Variants in DISC1 observed in about 807,000 individuals in gnomAD.
The protein encoded by DISC1 is disrupted in schizophrenia 1 protein.
A neutral mutation model predicts 84.5 loss-of-function variants in DISC1; 57 were observed. That is an observed-to-expected ratio of 0.67 (90% CI 0.55 to 0.84). The LOEUF is 0.84. Among genes scored for constraint, DISC1 ranks in the 40% least tolerant of loss-of-function variants. The pLI is 0.00. For missense variants in DISC1, 1,000 were observed against 1,057.8 expected (o/e 0.95, Z 0.76); for synonymous variants, 411 against 415.2 (o/e 0.99, Z 0.12).
At chr1:231,721,080 C>T in intron 3 of DISC1, 2 of 1,290,724 alleles carry the variant, frequency 1.5e-6, no homozygotes, top group Non-Finnish European at 2.0e-6. Flanking sequence ...CAGGTCTGTC[C>T]TGATGTGAGA....
At chr1:232,015,132 G>T (rs1024238561) in intron 11 of DISC1, among the ~76,000 whole-genome samples, 1 of 152,136 alleles carries the variant, frequency 6.6e-6, no homozygotes, top group Non-Finnish European at 1.5e-5. Context: ...CAGTGAGCTG[G>T]CTCCTGCTTG....
In DISC1 at chr1:232,006,745, T is replaced by A. The variant is rs139469973; in HGVS notation, c.2043-2040T>A. ...GAAATTCAAGCTGGCTGCAGAAATT[T>A]GCATAAGTAACAAGCAACCAAATGT... On this transcript the variant is annotated intron_variant, in intron 10 of 12. Coordinates refer to ENST00000439617, the MANE Select transcript of DISC1 (RefSeq NM_018662.3). Among the ~76,000 whole-genome samples the A allele has an allele frequency of 3.1e-3, 468 of 152,294 alleles. 4 individuals are homozygous for A. Among genetic ancestry groups the A allele is most frequent in the African/African-American group, 0.011 (441 of 41,558 alleles).
intron 9 of DISC1, among the ~76,000 whole-genome samples, chr1:231,879,065 A>G (rs542852140): frequency 4.3e-4 from 65 of 151,488 alleles, no homozygotes; most frequent in African/African-American, 1.6e-3. Flanking sequence ...CTTATCTGAA[A>G]TGCTTGGGAT....
chr1:231,670,691 T>C (rs1386141720), intron 1 of DISC1: 1 of 152,244 alleles, frequency 6.6e-6, no homozygotes, highest in Non-Finnish European at 1.5e-5. Context: ...AAGATTCCCA[T>C]GAAGAGGAAC....
At chr1:231,806,938 A>G (rs2079780748) in intron 8 of DISC1, among the ~76,000 whole-genome samples, 1 of 152,158 alleles carries the variant, frequency 6.6e-6, no homozygotes, top group African/African-American at 2.4e-5. Flanking sequence ...ACCCATCCCC[A>G]TCAGAAACCT....
chr1:231,935,278 A>T (rs548433685), intron 9 of DISC1, among the ~76,000 whole-genome samples: 1 of 152,302 alleles, frequency 6.6e-6, no homozygotes, highest in South Asian at 2.1e-4. Flanking sequence ...ATTTTTTCCA[A>T]CAATCTCATA....
intron 9 of DISC1, among the ~76,000 whole-genome samples, chr1:231,917,404 A>G (rs1477735589): frequency 6.6e-6 from 1 of 152,262 alleles, no homozygotes; most frequent in Non-Finnish European, 1.5e-5. Flanking sequence ...CTTGAATAAT[A>G]TGAAGCGAAG....
At chr1:231,831,606 G>A (rs780346702) in intron 9 of DISC1, among the ~76,000 whole-genome samples, 16 of 152,296 alleles carry the variant, frequency 1.1e-4, no homozygotes, top group Non-Finnish European at 2.4e-4. Flanking sequence ...CCTTTTGATG[G>A]CCTTTGCAGT....
At chr1:231,926,193 A>C (rs199776845) in intron 9 of DISC1, among the ~76,000 whole-genome samples, 5 of 152,206 alleles carry the variant, frequency 3.3e-5, no homozygotes, top group Non-Finnish European at 7.3e-5. Flanking sequence ...GTGAAAAAGT[A>C]AAAGCTCTTC....
chr1:231,774,679 C>G, intron 6 of DISC1: 4 of 456,000 alleles, frequency 8.8e-6, no homozygotes, highest in Non-Finnish European at 1.8e-5. Flanking sequence ...TAACCATCAA[C>G]TAGAGAAACC....
chr1:231,643,351 TA>T (rs1267576309), intron 1 of DISC1, among the ~76,000 whole-genome samples: 1 of 151,408 alleles, frequency 6.6e-6, no homozygotes, highest in South Asian at 2.1e-4. Context: ...CAATAACTAG[TA>T]AAAAAAAATA....
At chr1:231,844,376 GT>G (rs1260935634) in intron 9 of DISC1, among the ~76,000 whole-genome samples, 3 of 152,176 alleles carry the variant, frequency 2.0e-5, no homozygotes, top group African/African-American at 7.2e-5. Context: ...ATAGGACAAG[GT>G]ATGGGGGTGG....
At chr1:232,026,391 G>A in intron 11 of DISC1, 44 bp from the exon 12 acceptor site, 1 of 1,362,368 alleles carries the variant, frequency 7.3e-7, no homozygotes, top group Non-Finnish European at 1.0e-6. Context: ...TTCTGTCTGT[G>A]TCCACGGCAC....
At chr1:231,852,623 G>C (rs2083980084) in intron 9 of DISC1, among the ~76,000 whole-genome samples, 1 of 152,230 alleles carries the variant, frequency 6.6e-6, no homozygotes, top group African/African-American at 2.4e-5. Context: ...TTAATTCTCT[G>C]ATTCCTCAGG....
chr1:231,879,665 G>A (rs1457663054), intron 9 of DISC1, among the ~76,000 whole-genome samples: 8 of 151,714 alleles, frequency 5.3e-5, no homozygotes, highest in Non-Finnish European at 1.2e-4. Context: ...CTCAGGGAAT[G>A]TTTTGGGTGG....
At chr1:231,906,903 A>G (rs1199632109) in intron 9 of DISC1, among the ~76,000 whole-genome samples, 2 of 151,996 alleles carry the variant, frequency 1.3e-5, no homozygotes, top group African/African-American at 4.8e-5. Context: ...CTACATTACA[A>G]ATTTTGTCTC....
chr1:231,846,160 C>T lies in DISC1; in HGVS notation c.1981+27643C>T, dbSNP rs373967924. Among the ~76,000 whole-genome samples the T allele has an allele frequency of 7.9e-5, 12 of 152,204 alleles. No individual in the cohort carries two copies. The South Asian group carries it at 2.3e-3, about 29-fold the overall frequency. Reference sequence around the variant, plus strand: ...GGGGTGGGGAGTGAGCATCCACACTCGAGTGGCTGCAGATGCCATGAGACC... The same window carrying T: ...GGGGTGGGGAGTGAGCATCCACACTTGAGTGGCTGCAGATGCCATGAGACC... On this transcript the variant is annotated intron_variant, in intron 9 of 12. Transcript: ENST00000439617.
At chr1:231,742,846 G>A (rs765574453) in intron 3 of DISC1, among the ~76,000 whole-genome samples, 4 of 152,164 alleles carry the variant, frequency 2.6e-5, no homozygotes, top group Non-Finnish European at 4.4e-5. Context: ...GGAGTTGGAG[G>A]CTGCCACTGC....
chr1:231,729,243 G>T (rs1418997260), intron 3 of DISC1, among the ~76,000 whole-genome samples: 1 of 152,178 alleles, frequency 6.6e-6, no homozygotes, highest in African/African-American at 2.4e-5. Flanking sequence ...GTCTATCATT[G>T]TTGGACATTT....
Sources: gnomAD v4.1 joint callset for allele counts (sites outside exome capture counted in the v4.1 genomes callset) on GRCh38, gnomAD v4.1.1 for gene constraint, MANE v1.5 for transcripts, NCBI Gene and HGNC (gene_info 2026-07-23, HGNC 2026-07-21) for gene names.